The following DENND1A variants were observed in gnomAD, a reference collection of about 807,000 sequenced individuals.
The protein encoded by DENND1A is DENN domain containing 1A.
DENND1A carries 51 observed loss-of-function variants against 113.7 expected under a neutral mutation model. The observed-to-expected ratio is 0.45, with a 90% CI of 0.36 to 0.57. The LOEUF (loss-of-function observed/expected upper bound fraction) is 0.57. DENND1A is among the 20% of genes least tolerant of loss of function. The probability of loss-of-function intolerance (pLI) is 0.00; values close to 1 mark genes in which losing one functional copy is unlikely to be tolerated. For synonymous variants in DENND1A, 565 were observed against 570.8 expected, an observed-to-expected ratio of 0.99 and a Z score of 0.14; for missense variants, 1,258 against 1,395.9, an observed-to-expected ratio of 0.90 and a Z score of 1.57.
intron 13 of DENND1A, among the ~76,000 whole-genome samples, chr9:123,516,322 A>C (rs2053910050): frequency 6.6e-6 from 1 of 152,102 alleles, no homozygotes. Context: ...ATTTGTTACA[A>C]TTTTATAAGA....
chr9:123,750,882 T>C (rs1264682938), intron 5 of DENND1A, among the ~76,000 whole-genome samples: 1 of 152,168 alleles, frequency 6.6e-6, no homozygotes, highest in Non-Finnish European at 1.5e-5. Context: ...CATAAACAGC[T>C]TAAAACAAGA....
At chr9:123,608,203 T>C (rs1032945691) in intron 11 of DENND1A, among the ~76,000 whole-genome samples, 6 of 152,152 alleles carry the variant, frequency 3.9e-5, no homozygotes, top group African/African-American at 1.4e-4. Context: ...AATTAGAAAT[T>C]TGAGCAGATT....
At chr9:123,810,383 T>C (rs1836350225) in intron 2 of DENND1A, among the ~76,000 whole-genome samples, 1 of 151,848 alleles carries the variant, frequency 6.6e-6, no homozygotes, top group Non-Finnish European at 1.5e-5. Flanking sequence ...TGTGCAGTAT[T>C]GGGGAAGGCA....
intron 21 of DENND1A, among the ~76,000 whole-genome samples, chr9:123,396,067 T>C (rs945447635): frequency 3.6e-4 from 55 of 151,692 alleles, no homozygotes; most frequent in African/African-American, 1.2e-3. Context: ...GCACAGGGGA[T>C]TGTGGGCGTG....
At chr9:123,765,918 A>G (rs1379142017) in intron 4 of DENND1A, among the ~76,000 whole-genome samples, 2 of 152,180 alleles carry the variant, frequency 1.3e-5, no homozygotes, top group African/African-American at 4.8e-5. Flanking sequence ...TGTAAATTAT[A>G]TAGTTGTGAC....
At chr9:123,850,172 G>A (rs1843130567) in intron 2 of DENND1A, among the ~76,000 whole-genome samples, 1 of 152,184 alleles carries the variant, frequency 6.6e-6, no homozygotes, top group Admixed American at 6.5e-5. Context: ...TGCTATTAAA[G>A]AGCATCACAT....
At position 123,381,551 on chromosome 9, in the gene DENND1A, T is replaced by G. The variant is rs150591766; in HGVS notation, c.3094A>C (p.Arg1032=). The G allele has an allele frequency of 6.2e-7, 1 of 1,613,600 alleles. No homozygotes were observed. Among genetic ancestry groups the G allele is most frequent in the African/African-American group, 1.3e-5 (1 of 74,884 alleles). The change falls in exon 24 of 24, where the codon AGA becomes CGA. Residue 1032 remains arginine, a synonymous_variant. Transcript: ENST00000394215. The surrounding 1 kb of genome is among the most constrained non-coding windows in gnomAD (Gnocchi z 4.7). The stretch of plus-strand genomic sequence containing the variant: ...TGTAACAAATCCTCAAAGGGGTCTC[T>G]GGCCTGTTGAGGAGCAGAGGGCTGC... ...TLQPSAPQQA[R]DPFEDLLQKT...
intron 18 of DENND1A, among the ~76,000 whole-genome samples, chr9:123,448,838 G>C (rs568200772): frequency 6.6e-6 from 1 of 152,134 alleles, no homozygotes; most frequent in African/African-American, 2.4e-5. Context: ...CAATTCCTTC[G>C]ACCCTTTCAA....
chr9:123,805,633 C>G (rs371715915), intron 2 of DENND1A, among the ~76,000 whole-genome samples: 41 of 152,108 alleles, frequency 2.7e-4, no homozygotes, highest in African/African-American at 8.9e-4. Flanking sequence ...GGGGTTTCAT[C>G]GTGTTGGCCA....
chr9:123,510,115 C>A (rs567797800), intron 13 of DENND1A, among the ~76,000 whole-genome samples: 38 of 152,226 alleles, frequency 2.5e-4, no homozygotes, highest in South Asian at 6.2e-4. Flanking sequence ...CCCTGTGAGT[C>A]GCGCCTTCCC....
At chr9:123,715,848 G>T (rs922128471) in intron 5 of DENND1A, among the ~76,000 whole-genome samples, 1 of 151,982 alleles carries the variant, frequency 6.6e-6, no homozygotes, top group African/African-American at 2.4e-5. Context: ...ACTAATTTTT[G>T]TATTTTTAAT....
intron 2 of DENND1A, among the ~76,000 whole-genome samples, chr9:123,807,605 A>G (rs1835817419): frequency 6.6e-6 from 1 of 152,228 alleles, no homozygotes; most frequent in Admixed American, 6.5e-5. Context: ...GACTTCAAGC[A>G]CAGTGCACAG....
chr9:123,729,909 A>C (rs957474340), intron 5 of DENND1A, among the ~76,000 whole-genome samples: 3 of 152,210 alleles, frequency 2.0e-5, no homozygotes, highest in Non-Finnish European at 4.4e-5. Context: ...ACCAAAACAG[A>C]TATATAGACC....
chr9:123,684,659 C>T (rs1273285014), intron 5 of DENND1A, among the ~76,000 whole-genome samples: 1 of 152,230 alleles, frequency 6.6e-6, no homozygotes, highest in Non-Finnish European at 1.5e-5. Context: ...CTTCAATGAA[C>T]ATTTTTACAG....
intron 19 of DENND1A, chr9:123,413,893 C>A (rs75777155): frequency 2.0e-6 from 2 of 985,306 alleles, no homozygotes; most frequent in Non-Finnish European, 2.4e-6. Context: ...GGGGAGCCCA[C>A]CCCCTCCACC....
At chr9:123,538,578 C>T (rs1017797182) in intron 13 of DENND1A, among the ~76,000 whole-genome samples, 1 of 151,754 alleles carries the variant, frequency 6.6e-6, no homozygotes, top group Non-Finnish European at 1.5e-5. Context: ...AAAAAAAGTA[C>T]TCAGGTGTCA....
At chr9:123,812,145 T>C (rs1836724193) in intron 2 of DENND1A, among the ~76,000 whole-genome samples, 1 of 152,214 alleles carries the variant, frequency 6.6e-6, no homozygotes, top group Admixed American at 6.5e-5. Context: ...CATACTGTTG[T>C]ACGTTTAATA....
chr9:123,786,681 C>T (rs1029487251), intron 3 of DENND1A, among the ~76,000 whole-genome samples: 1 of 152,192 alleles, frequency 6.6e-6, no homozygotes, highest in Admixed American at 6.5e-5. Context: ...AACATATCAT[C>T]ACTTGTAACC....
chr9:123,743,405 GATAAATAA>G (rs113375616), intron 5 of DENND1A, among the ~76,000 whole-genome samples: 493 of 148,098 alleles, frequency 3.3e-3, no homozygotes, highest in Non-Finnish European at 5.0e-3. Flanking sequence ...AGTCCCAAAA[GATAAATAA>G]ATAAATAAAT....
Sources: gnomAD v4.1 joint callset for allele counts (sites outside exome capture counted in the v4.1 genomes callset) on GRCh38, gnomAD v4.1.1 for gene constraint, Gnocchi (gnomAD v3.1) non-coding constraint, MANE v1.5 for transcripts, NCBI Gene and HGNC (gene_info 2026-07-23, HGNC 2026-07-21) for gene names.